The following CUL1 variants were observed in gnomAD, a reference collection of about 807,000 sequenced individuals.
CUL1 encodes the protein cullin-1.
In CUL1, 24 loss-of-function variants were observed where a neutral mutation model predicts 118.0. The ratio of observed to expected loss-of-function variants is 0.20; its 90% confidence interval spans 0.15 to 0.29. The LOEUF is 0.29. CUL1 is among the 10% of genes least tolerant of loss of function. CUL1 has a pLI of 1.00. For synonymous variants in CUL1, 332 were observed against 340.4 expected, an observed-to-expected ratio of 0.98 and a Z score of 0.27; for missense variants, 361 against 933.8, an observed-to-expected ratio of 0.39 and a Z score of 7.99.
chr7:148,727,985 G>A (rs986037114), intron 1 of CUL1, among the ~76,000 whole-genome samples: 1 of 152,136 alleles, frequency 6.6e-6, no homozygotes, highest in African/African-American at 2.4e-5. Context: ...ACAGCTGACG[G>A]CCATGTCAAG....
intron 2 of CUL1, among the ~76,000 whole-genome samples, chr7:148,741,791 C>G (rs1799147606): frequency 1.3e-5 from 2 of 152,222 alleles, no homozygotes; most frequent in African/African-American, 4.8e-5. Context: ...CCAGGCTGGT[C>G]TCGAGCTCCT....
chr7:148,751,210 G>A (rs529546486), intron 2 of CUL1, among the ~76,000 whole-genome samples: 5 of 151,888 alleles, frequency 3.3e-5, no homozygotes, highest in Non-Finnish European at 7.4e-5. Context: ...CAAGAATTTT[G>A]GACCAGCCAG....
At chr7:148,762,762 A>G (rs1056598466) in intron 7 of CUL1, among the ~76,000 whole-genome samples, 1 of 152,232 alleles carries the variant, frequency 6.6e-6, no homozygotes, top group Non-Finnish European at 1.5e-5. Context: ...CTTTGTCCAC[A>G]CTGATGAAGT....
intron 1 of CUL1, among the ~76,000 whole-genome samples, chr7:148,718,962 T>G (rs2129459242): frequency 6.6e-6 from 1 of 152,306 alleles, no homozygotes; most frequent in African/African-American, 2.4e-5. Context: ...TTTCTCTGAC[T>G]TTAGAGCCAG....
At chr7:148,752,179 A>G (rs1219759987) in intron 2 of CUL1, among the ~76,000 whole-genome samples, 1 of 152,258 alleles carries the variant, frequency 6.6e-6, no homozygotes, top group East Asian at 1.9e-4. Context: ...GCAAAATATA[A>G]AAACATAGGA....
chr7:148,720,927 C>A (rs565044498), intron 1 of CUL1, among the ~76,000 whole-genome samples: 1 of 152,306 alleles, frequency 6.6e-6, no homozygotes, highest in African/African-American at 2.4e-5. Flanking sequence ...GAATATATAG[C>A]CTAAAGCTTC....
Position 148,747,378 on chromosome 7 carries a change from G to A in CUL1, c.141-6598G>A, listed in dbSNP as rs577276342. Among the ~76,000 whole-genome samples the A allele has an allele frequency of 4.6e-5, 7 of 152,274 alleles. No homozygotes were observed. The East Asian group carries it at 1.3e-3, about 29-fold the overall frequency. ...GCACAAAAGTAAGAGGGAATTCCCA[G>A]GCATCTGAAGAAGAGAAGAGAGCTG... On this transcript the variant is annotated intron_variant, in intron 2 of 21. Transcript: ENST00000325222.
At chr7:148,779,091 T>C (rs1018796518) in intron 9 of CUL1, among the ~76,000 whole-genome samples, 3 of 152,212 alleles carry the variant, frequency 2.0e-5, no homozygotes, top group Non-Finnish European at 2.9e-5. Context: ...TTTACCTTTT[T>C]AAGAAAGAGT....
At chr7:148,783,666 G>T in intron 9 of CUL1, 117 bp from the exon 10 acceptor site, 1 of 1,559,816 alleles carries the variant, frequency 6.4e-7, no homozygotes, top group Non-Finnish European at 8.7e-7. Context: ...TCTTAACTTT[G>T]AAAAGGTATC....
At position 148,798,398 on chromosome 7, in the gene CUL1, C is replaced by T. The variant is rs369755269; in HGVS notation, c.2031-174C>T. On this transcript the variant is annotated intron_variant, in intron 19 of 21. Coordinates refer to ENST00000325222, the MANE Select transcript of CUL1 (RefSeq NM_003592.3). ...GCCGAGTAGGAAACTAGGCCATGATCGGACTCTACCCAGTGCTGGGTAGAG... is the reference window on the plus strand; with the variant it reads ...GCCGAGTAGGAAACTAGGCCATGATTGGACTCTACCCAGTGCTGGGTAGAG... Among the ~76,000 whole-genome samples, 230 of 152,144 alleles carry T rather than the reference C, an allele frequency of 1.5e-3. 3 individuals are homozygous for T. The highest frequency in any genetic ancestry group is 5.0e-3 in the African/African-American group (208 of 41,490).
At chr7:148,733,629 G>A (rs969344021) in intron 2 of CUL1, among the ~76,000 whole-genome samples, 1 of 151,856 alleles carries the variant, frequency 6.6e-6, no homozygotes, top group African/African-American at 2.4e-5. Flanking sequence ...TGTGTTTCAG[G>A]GAAGGAGGTG....
chr7:148,772,595 C>T (rs564406212), intron 9 of CUL1, among the ~76,000 whole-genome samples: 1 of 152,282 alleles, frequency 6.6e-6, no homozygotes, highest in East Asian at 1.9e-4. Context: ...GCATTTAGGG[C>T]ATTCCTGTAG....
At chr7:148,739,688 C>A (rs896030188) in intron 2 of CUL1, among the ~76,000 whole-genome samples, 1 of 152,166 alleles carries the variant, frequency 6.6e-6, no homozygotes, top group African/African-American at 2.4e-5. Flanking sequence ...GCTTGCTAAT[C>A]ATTTTCTTAA....
At chr7:148,776,177 A>ACC (rs71529635) in intron 9 of CUL1, among the ~76,000 whole-genome samples, 17 of 151,050 alleles carry the variant, frequency 1.1e-4, no homozygotes, top group African/African-American at 2.7e-4. Flanking sequence ...CTGCAGGAAG[A>ACC]CCCCCCTCTG....
In CUL1 at chr7:148,767,893, A is replaced by G. The variant is rs144666033; in HGVS notation, c.1083+144A>G. On this transcript the variant is annotated intron_variant, in intron 9 of 21. Transcript: ENST00000325222. ...GAACCATGTTTTGTCTTTTTGAAGT[A>G]GATAGTTCACAGACATCTTTGTTTA... 4.2e-3 allele frequency: 3,543 copies of G among 836,058 alleles called. 11 individuals are homozygous for G. The highest frequency in any genetic ancestry group is 5.5e-3 in the Non-Finnish European group (3,009 of 545,658). The allele number at this position is 836,058 out of a possible 1,614,324, so 51.8% of individuals were successfully genotyped here. A position where few individuals can be genotyped will look rare whatever the true frequency, so the allele number is the denominator to read the frequency against.
intron 2 of CUL1, among the ~76,000 whole-genome samples, chr7:148,751,111 G>A (rs1309536321): frequency 6.6e-6 from 1 of 152,146 alleles, no homozygotes; most frequent in African/African-American, 2.4e-5. Flanking sequence ...ACAGGGTGCT[G>A]GATAGCCGCT....
intron 17 of CUL1, among the ~76,000 whole-genome samples, chr7:148,795,374 C>T (rs1290391513): frequency 6.6e-6 from 1 of 150,550 alleles, no homozygotes; most frequent in African/African-American, 2.4e-5. Flanking sequence ...TCAAGTGACA[C>T]TTTCACCTTG....
At chr7:148,710,807 G>C (rs544167718) in intron 1 of CUL1, among the ~76,000 whole-genome samples, 109 of 152,032 alleles carry the variant, frequency 7.2e-4, no homozygotes, top group African/African-American at 2.6e-3. Flanking sequence ...AGGATTAAAG[G>C]CGCCCACCAC....
At chr7:148,743,699 G>A (rs374686989) in intron 2 of CUL1, among the ~76,000 whole-genome samples, 19 of 151,576 alleles carry the variant, frequency 1.3e-4, no homozygotes, top group African/African-American at 3.2e-4. Flanking sequence ...AGGCCAAGGC[G>A]GGCAGATCGC....
Sources: gnomAD v4.1 joint callset for allele counts (sites outside exome capture counted in the v4.1 genomes callset) on GRCh38, gnomAD v4.1.1 for gene constraint, MANE v1.5 for transcripts, NCBI Gene and HGNC (gene_info 2026-07-23, HGNC 2026-07-21) for gene names.